FAM227B: variants seen among roughly 807,000 people sequenced by gnomAD.
FAM227B encodes the protein family with sequence similarity 227 member B.
In FAM227B, 88 loss-of-function variants were observed where a neutral mutation model predicts 73.8. The observed-to-expected ratio is 1.19, with a 90% CI of 1.00 to 1.42. The LOEUF (loss-of-function observed/expected upper bound fraction) is 1.42. FAM227B is among the 40% of genes most tolerant of loss of function. The pLI is 0.00. For missense variants in FAM227B, 632 were observed against 590.9 expected (o/e 1.07, Z -0.72); for synonymous variants, 210 against 190.5 (o/e 1.10, Z -0.84).
chr15:49,438,528 C>T (rs2051317795), intron 11 of FAM227B, among the ~76,000 whole-genome samples: 1 of 151,622 alleles, frequency 6.6e-6, no homozygotes, highest in Admixed American at 6.6e-5. Flanking sequence ...TAGCTTATCA[C>T]ACCAATAGCA....
At chr15:49,498,222 G>A (rs1468831024) in intron 11 of FAM227B, among the ~76,000 whole-genome samples, 1 of 152,128 alleles carries the variant, frequency 6.6e-6, no homozygotes. Context: ...AGACTCTGTG[G>A]CCAAAATTTC....
chr15:49,566,041 C>T (rs1208306605), intron 9 of FAM227B, among the ~76,000 whole-genome samples: 6 of 152,162 alleles, frequency 3.9e-5, no homozygotes, highest in Admixed American at 1.3e-4. Flanking sequence ...GGCTCCTGGC[C>T]GCCACAGCTA....
intron 11 of FAM227B, among the ~76,000 whole-genome samples, chr15:49,455,182 G>A (rs2053167498): frequency 6.6e-6 from 1 of 152,144 alleles, no homozygotes; most frequent in Non-Finnish European, 1.5e-5. Context: ...AATGTGACAG[G>A]CACCTCAAGT....
intron 10 of FAM227B, among the ~76,000 whole-genome samples, chr15:49,530,158 T>A (rs1047043875): frequency 1.3e-5 from 2 of 151,824 alleles, no homozygotes; most frequent in Non-Finnish European, 3.0e-5. Flanking sequence ...TTTAATTGAT[T>A]CCTATTACGT....
At chr15:49,434,077 C>T (rs573935528) in intron 11 of FAM227B, among the ~76,000 whole-genome samples, 1 of 151,438 alleles carries the variant, frequency 6.6e-6, no homozygotes, top group Non-Finnish European at 1.5e-5. Flanking sequence ...TTGGTGAATC[C>T]ACTCTCAATT....
chr15:49,412,400 G>A (rs1301281401), intron 11 of FAM227B, among the ~76,000 whole-genome samples: 2 of 152,024 alleles, frequency 1.3e-5, no homozygotes, highest in Admixed American at 1.3e-4. Flanking sequence ...ATGGAAAGAA[G>A]TATAGCTTTC....
intron 11 of FAM227B, among the ~76,000 whole-genome samples, chr15:49,399,300 A>G (rs1455679422): frequency 1.4e-5 from 2 of 138,596 alleles, no homozygotes; most frequent in Non-Finnish European, 3.2e-5. Context: ...CTAAACCAGG[A>G]AGAAGTTGAA....
At chr15:49,487,763 CAT>C (rs957806262) in intron 11 of FAM227B, 31 of 151,888 alleles carry the variant, frequency 2.0e-4, no homozygotes, top group African/African-American at 7.2e-4. Context: ...TCTTAAGACT[CAT>C]GTGATTTTTG....
intron 11 of FAM227B, among the ~76,000 whole-genome samples, chr15:49,434,089 G>A (rs959332950): frequency 6.6e-6 from 1 of 151,382 alleles, no homozygotes. Flanking sequence ...CTCTCAATTC[G>A]TTTTAGTGCC....
chr15:49,347,637 GTTA>G (rs1268169708), intron 13 of FAM227B, among the ~76,000 whole-genome samples: 5 of 152,150 alleles, frequency 3.3e-5, no homozygotes, highest in Admixed American at 2.6e-4. Context: ...GAGAAGCTTA[GTTA>G]TTATCATAAA....
rs146536883 is a variant in FAM227B, at chr15:49,376,983, C to T, written c.1013-5584G>A. On this transcript the variant is annotated intron_variant, in intron 11 of 15. Transcript: ENST00000299338. ...AGGTCTTATTCATTTTTTCTAGCTA[C>T]TTTTTTTTATTGTCTCCATTAATCA... Among the ~76,000 whole-genome samples the T allele has an allele frequency of 1.8e-3, 266 of 151,884 alleles. 1 individual carries two copies. Among genetic ancestry groups the T allele is most frequent in the African/African-American group, 6.0e-3 (247 of 41,466 alleles).
At chr15:49,376,427 C>T (rs1474847115) in intron 11 of FAM227B, among the ~76,000 whole-genome samples, 1 of 151,984 alleles carries the variant, frequency 6.6e-6, no homozygotes, top group Non-Finnish European at 1.5e-5. Context: ...ATCAATGACC[C>T]ATGAATGTGA....
intron 11 of FAM227B, among the ~76,000 whole-genome samples, chr15:49,408,530 G>A (rs943082198): frequency 9.2e-5 from 14 of 152,092 alleles, no homozygotes; most frequent in Non-Finnish European, 1.5e-4. Flanking sequence ...CCTGGAATTC[G>A]TTTTGAAGTG....
intron 9 of FAM227B, among the ~76,000 whole-genome samples, chr15:49,561,774 C>A (rs1011700842): frequency 6.6e-6 from 1 of 151,984 alleles, no homozygotes; most frequent in Admixed American, 6.6e-5. Flanking sequence ...AAGTTAGACA[C>A]AAATAAACAA....
intron 11 of FAM227B, among the ~76,000 whole-genome samples, chr15:49,380,100 C>A (rs918333534): frequency 6.6e-6 from 1 of 152,140 alleles, no homozygotes; most frequent in African/African-American, 2.4e-5. Context: ...GCACTCAAAC[C>A]ACAGGACCTC....
intron 10 of FAM227B, among the ~76,000 whole-genome samples, chr15:49,511,830 G>A (rs943306601): frequency 2.0e-5 from 3 of 152,032 alleles, no homozygotes; most frequent in African/African-American, 7.2e-5. Flanking sequence ...TATATGTACC[G>A]CATATCCTTT....
At chr15:49,529,894 C>T (rs2060483527) in intron 10 of FAM227B, among the ~76,000 whole-genome samples, 1 of 151,724 alleles carries the variant, frequency 6.6e-6, no homozygotes, top group Non-Finnish European at 1.5e-5. Context: ...TTTATTCACT[C>T]AGCATAATTC....
chr15:49,384,591 T>C (rs1247741350), intron 11 of FAM227B, among the ~76,000 whole-genome samples: 1 of 151,968 alleles, frequency 6.6e-6, no homozygotes, highest in Non-Finnish European at 1.5e-5. Flanking sequence ...AAAACATTCT[T>C]GTGTGTGTGA....
chr15:49,541,617 T>C, intron 10 of FAM227B, 63 bp downstream of exon 10: 1 of 1,308,932 alleles, frequency 7.6e-7, no homozygotes, highest in Non-Finnish European at 9.8e-7. Context: ...ATAAATAAAA[T>C]ACTGCAACCC....
Sources: gnomAD v4.1 joint callset for allele counts (sites outside exome capture counted in the v4.1 genomes callset) on GRCh38, gnomAD v4.1.1 for gene constraint, MANE v1.5 for transcripts, NCBI Gene and HGNC (gene_info 2026-07-23, HGNC 2026-07-21) for gene names.